DNAAF9: variants seen among roughly 807,000 people sequenced by gnomAD.
DNAAF9 encodes shulin.
A neutral mutation model predicts 167.0 loss-of-function variants in DNAAF9; 90 were observed. The observed-to-expected ratio is 0.54, with a 90% CI of 0.45 to 0.64. The LOEUF is 0.64. DNAAF9 is among the 30% of genes least tolerant of loss of function. The probability of loss-of-function intolerance (pLI) is 0.00; values close to 1 mark genes in which losing one functional copy is unlikely to be tolerated. For synonymous variants in DNAAF9, 491 were observed against 508.8 expected (o/e 0.96, Z 0.47); for missense variants, 1,315 against 1,442.2 (o/e 0.91, Z 1.43).
chr20:3,314,819 C>G (rs888243816), intron 20 of DNAAF9, among the ~76,000 whole-genome samples: 1 of 152,202 alleles, frequency 6.6e-6, no homozygotes. Flanking sequence ...CAGGCAGCAA[C>G]AAAAGGACCA....
At chr20:3,368,643 G>C (rs565270629) in intron 6 of DNAAF9, among the ~76,000 whole-genome samples, 11 of 151,716 alleles carry the variant, frequency 7.3e-5, no homozygotes, top group African/African-American at 2.2e-4. Flanking sequence ...CTCCCGAGTA[G>C]CTGGGACTAC....
At chr20:3,293,666 CAAAAAA>C (rs71195830) in intron 25 of DNAAF9, among the ~76,000 whole-genome samples, 1 of 85,606 alleles carries the variant, frequency 1.2e-5, no homozygotes, top group African/African-American at 4.2e-5. Flanking sequence ...GCCTGGGTGA[CAAAAAA>C]AAAAAAAAAA....
chr20:3,253,731 T>G lies in DNAAF9; in HGVS notation c.3416A>C (p.His1139Pro). Residue 1139 changes from histidine to proline, a missense_variant, in exon 36 of 37, where the codon CAC becomes CCC. Around this residue, in one of 2 missense-constraint regions of DNAAF9, gnomAD observed 334 missense variants for 429.7 expected, o/e 0.78. Coordinates refer to ENST00000252032, the MANE Select transcript of DNAAF9 (RefSeq NM_001009984.3). ...VNFFGDKTDF[H>P]PLMDQFMNDY... ...CCACGCTGTTCCAAGGATACGTGGG[T>G]GAAAATCAGTTTTGTCACCAAAGAA... The G allele has an allele frequency of 6.3e-7, 1 of 1,599,094 alleles. No homozygotes were observed. Among genetic ancestry groups the G allele is most frequent in the South Asian group, 1.1e-5 (1 of 90,792 alleles).
At chr20:3,301,176 G>C (rs774793239) in intron 21 of DNAAF9, among the ~76,000 whole-genome samples, 1 of 123,050 alleles carries the variant, frequency 8.1e-6, no homozygotes, top group Non-Finnish European at 1.7e-5. Context: ...CATCATGCTT[G>C]GCTTTTTTTT....
intron 34 of DNAAF9, 33 bp downstream of exon 34, chr20:3,255,973 C>A: frequency 1.3e-6 from 2 of 1,551,286 alleles, no homozygotes; most frequent in South Asian, 1.1e-5. Flanking sequence ...CTGGTCACAT[C>A]TGTGTCAGGT....
At chr20:3,272,192 C>A (rs931115931) in intron 29 of DNAAF9, among the ~76,000 whole-genome samples, 2 of 152,086 alleles carry the variant, frequency 1.3e-5, no homozygotes, top group Non-Finnish European at 2.9e-5. Context: ...AAAATCCAGT[C>A]TGTGTTCAAA....
At chr20:3,354,850 A>C (rs917034103) in intron 7 of DNAAF9, among the ~76,000 whole-genome samples, 1 of 152,228 alleles carries the variant, frequency 6.6e-6, no homozygotes, top group East Asian at 1.9e-4. Context: ...CCCATCACCT[A>C]AGAATCAAGC....
intron 27 of DNAAF9, 134 bp from the exon 28 acceptor site, chr20:3,281,900 G>A: frequency 5.3e-6 from 4 of 752,444 alleles, no homozygotes; most frequent in Non-Finnish European, 8.6e-6. Flanking sequence ...CTGGTCCCTT[G>A]GTGTCACTCC....
chr20:3,370,924 C>A (rs2083498661), intron 6 of DNAAF9, among the ~76,000 whole-genome samples: 1 of 152,180 alleles, frequency 6.6e-6, no homozygotes, highest in Non-Finnish European at 1.5e-5. Context: ...GCCTGGTTGA[C>A]TGTCACTTGA....
At position 3,307,079 on chromosome 20, in the gene DNAAF9, G is replaced by GA. The variant is rs999549212; in HGVS notation, c.1679-2537dup. 5.8e-5 allele frequency: 57 copies of GA among 985,274 alleles called. No individual in the cohort carries two copies. In the African/African-American group the frequency reaches 7.0e-4, roughly 12 times the overall value. The allele number at this position is 985,274 out of a possible 1,614,324, so 61.0% of individuals were successfully genotyped here. The stretch of plus-strand genomic sequence containing the variant: ...AAAGCTCAAAATCCTGAAGCTTCCA[G>GA]AAAAAAGCACAGATTGGAGAAGCTG... On this transcript the variant is annotated intron_variant, in intron 20 of 36. Transcript: ENST00000252032.
intron 21 of DNAAF9, among the ~76,000 whole-genome samples, chr20:3,299,532 G>A (rs879894562): frequency 1.2e-4 from 19 of 152,068 alleles, no homozygotes; most frequent in Non-Finnish European, 2.6e-4. Context: ...GGCTGGTCTC[G>A]AACTGCCAGC....
intron 20 of DNAAF9, among the ~76,000 whole-genome samples, chr20:3,312,081 C>T (rs1321176690): frequency 1.3e-5 from 2 of 151,936 alleles, no homozygotes; most frequent in African/African-American, 4.8e-5. Flanking sequence ...CTCTGCCTCC[C>T]AGGTTCAAGC....
chr20:3,320,221 C>T (rs1020240412), intron 16 of DNAAF9, among the ~76,000 whole-genome samples: 7 of 152,110 alleles, frequency 4.6e-5, no homozygotes, highest in African/African-American at 1.4e-4. Flanking sequence ...TCATATGACA[C>T]ATTATGATAT....
At chr20:3,407,427 C>A in intron 1 of DNAAF9, 48 bp downstream of exon 1, 1 of 1,265,256 alleles carries the variant, frequency 7.9e-7, no homozygotes, top group South Asian at 2.7e-5. Flanking sequence ...ACCCCGACAG[C>A]CCGCATCCCC....
chr20:3,299,492 A>G (rs2122962779), intron 21 of DNAAF9, among the ~76,000 whole-genome samples: 1 of 151,898 alleles, frequency 6.6e-6, no homozygotes, highest in East Asian at 2.0e-4. Context: ...TTGTATTTTT[A>G]GTAGAGATGG....
chr20:3,315,141 A>G lies in DNAAF9; in HGVS notation c.1591-21T>C. 1 of 1,428,876 alleles carries G rather than the reference A, an allele frequency of 7.0e-7. No individual in the cohort carries two copies. The allele number at this position is 1,428,876 out of a possible 1,614,324, so 88.5% of individuals were successfully genotyped here. A position where few individuals can be genotyped will look rare whatever the true frequency, so the allele number is the denominator to read the frequency against. On this transcript the variant is annotated intron_variant, in intron 19 of 36. Coordinates refer to ENST00000252032, the MANE Select transcript of DNAAF9 (RefSeq NM_001009984.3). The surrounding 1 kb of genome is among the most constrained non-coding windows in gnomAD (Gnocchi z 4.1). ...TCCCCCTTTAAAAACAACAACAAAA[A>G]CAAAAATCCAAAAAAGAATAGGTGA...
At chr20:3,317,683 G>A (rs981033427) in intron 17 of DNAAF9, among the ~76,000 whole-genome samples, 6 of 151,560 alleles carry the variant, frequency 4.0e-5, no homozygotes, top group Non-Finnish European at 8.8e-5. Context: ...TGCAACCTCC[G>A]CCTCCTAGGT....
At chr20:3,318,607 A>C (rs115430053) in intron 16 of DNAAF9, among the ~76,000 whole-genome samples, 191 of 152,296 alleles carry the variant, frequency 1.3e-3, no homozygotes, top group African/African-American at 4.2e-3. Flanking sequence ...TTGCTCCCTG[A>C]TCAGAGACAC....
intron 25 of DNAAF9, among the ~76,000 whole-genome samples, chr20:3,291,768 C>T (rs1452941488): frequency 6.6e-6 from 1 of 152,102 alleles, no homozygotes; most frequent in Admixed American, 6.6e-5. Flanking sequence ...AGAAGACGGC[C>T]GTAAATCCCT....
Sources: allele counts gnomAD v4.1 joint callset (sites outside exome capture counted in the v4.1 genomes callset), GRCh38; gene constraint gnomAD v4.1.1; regional missense constraint gnomAD v4.1.1; non-coding constraint Gnocchi (gnomAD v3.1); transcripts MANE v1.5; gene names NCBI Gene and HGNC (gene_info 2026-07-23, HGNC 2026-07-21).